Variants in SYCP1 observed in about 807,000 individuals in gnomAD.
SYCP1 encodes the protein cancer/testis antigen 8.
SYCP1 carries 64 observed loss-of-function variants against 153.1 expected under a neutral mutation model. The observed-to-expected ratio is 0.42, with a 90% CI of 0.34 to 0.51. SYCP1 has a LOEUF of 0.51. SYCP1 is among the 20% of genes least tolerant of loss of function. The pLI is 0.06. For synonymous variants in SYCP1, 384 were observed against 341.8 expected (o/e 1.12, Z -1.36); for missense variants, 997 against 1,049.0 (o/e 0.95, Z 0.68).
chr1:114,963,100 A>G (rs1290039050), intron 27 of SYCP1, among the ~76,000 whole-genome samples: 4 of 152,204 alleles, frequency 2.6e-5, no homozygotes, highest in Admixed American at 1.3e-4. Context: ...ACAGCTCTTA[A>G]GATTCTTTCC....
intron 16 of SYCP1, among the ~76,000 whole-genome samples, chr1:114,902,127 C>T (rs1466408074): frequency 4.6e-5 from 7 of 151,972 alleles, no homozygotes; most frequent in Non-Finnish European, 1.0e-4. Flanking sequence ...AACTGCTGCT[C>T]GCCCATCTGT....
intron 16 of SYCP1, among the ~76,000 whole-genome samples, chr1:114,899,642 G>A (rs779933744): frequency 6.6e-6 from 1 of 152,152 alleles, no homozygotes; most frequent in Non-Finnish European, 1.5e-5. Context: ...AAGAAGTTTG[G>A]TACCTCCGTG....
chr1:114,991,806 A>G (rs1673943563), intron 30 of SYCP1, among the ~76,000 whole-genome samples: 1 of 151,786 alleles, frequency 6.6e-6, no homozygotes, highest in Non-Finnish European at 1.5e-5. Flanking sequence ...CTAACTAGAG[A>G]TACTATAAAA....
intron 27 of SYCP1, among the ~76,000 whole-genome samples, chr1:114,947,943 A>G (rs925593294): frequency 4.7e-5 from 7 of 150,160 alleles, no homozygotes; most frequent in African/African-American, 1.7e-4. Context: ...GTTTTAGGGT[A>G]CATGTGCACA....
At chr1:114,964,850 C>G (rs1444152262) in intron 27 of SYCP1, among the ~76,000 whole-genome samples, 1 of 152,066 alleles carries the variant, frequency 6.6e-6, no homozygotes, top group Non-Finnish European at 1.5e-5. Flanking sequence ...TATATGGGCT[C>G]TTTTTTGTTC....
intron 8 of SYCP1, among the ~76,000 whole-genome samples, chr1:114,872,088 C>T (rs2798654): frequency 0.024 from 3,504 of 146,866 alleles, 57 homozygotes; most frequent in South Asian, 0.035. Flanking sequence ...GTGATCCTCC[C>T]ACTTTGGCCT....
chr1:114,875,623 T>A (rs1188644608), intron 9 of SYCP1, among the ~76,000 whole-genome samples: 1 of 152,140 alleles, frequency 6.6e-6, no homozygotes, highest in Non-Finnish European at 1.5e-5. Context: ...ACTCAGTAAT[T>A]AATTAATTAA....
rs768126461 is a variant in SYCP1, at chr1:114,874,576, T to C, written c.657+12T>C. ...ATAATAACATTGAGGTGAGTGTTAATGAAATCTGAGTATTTTAAACATAGG... is the reference window on the plus strand; with the variant it reads ...ATAATAACATTGAGGTGAGTGTTAACGAAATCTGAGTATTTTAAACATAGG... On this transcript the variant is annotated intron_variant, in intron 9 of 31. Transcript: ENST00000369522. The C allele has an allele frequency of 3.9e-6, 6 of 1,546,072 alleles. No individual in the cohort carries two copies. Among genetic ancestry groups the C allele is most frequent in the Admixed American group, 3.9e-5 (2 of 51,514 alleles).
At chr1:114,926,612 G>T in intron 23 of SYCP1, 49 bp downstream of exon 23, 1 of 1,423,134 alleles carries the variant, frequency 7.0e-7, no homozygotes, top group South Asian at 1.3e-5. Context: ...AGATAGATGA[G>T]AATTTAGACA....
At chr1:114,917,586 A>G (rs1668590664) in intron 20 of SYCP1, among the ~76,000 whole-genome samples, 1 of 152,204 alleles carries the variant, frequency 6.6e-6, no homozygotes, top group Non-Finnish European at 1.5e-5. Context: ...GTACGAATTT[A>G]CATTCCCACC....
chr1:114,979,135 CTT>C (rs145320506), intron 28 of SYCP1, among the ~76,000 whole-genome samples: 17 of 134,850 alleles, frequency 1.3e-4, no homozygotes, highest in Admixed American at 1.5e-4. Context: ...TTTAACTAGG[CTT>C]TTTTTTTTTT....
chr1:114,976,521 A>G (rs1241779637), intron 27 of SYCP1, among the ~76,000 whole-genome samples: 1 of 151,822 alleles, frequency 6.6e-6, no homozygotes. Context: ...AAAAGTCAGA[A>G]TTGCAGAGAC....
chr1:114,979,282 T>A (rs1433025857), intron 28 of SYCP1, among the ~76,000 whole-genome samples: 1 of 151,770 alleles, frequency 6.6e-6, no homozygotes, highest in African/African-American at 2.4e-5. Flanking sequence ...TAATACCTAT[T>A]TCCTAAAGTT....
intron 23 of SYCP1, among the ~76,000 whole-genome samples, chr1:114,933,529 A>G (rs1669777705): frequency 6.6e-6 from 1 of 152,224 alleles, no homozygotes; most frequent in Admixed American, 6.5e-5. Context: ...CCAGCAATGG[A>G]ACAAAGCTGG....
Position 114,855,446 on chromosome 1 carries a change from T to C in SYCP1, c.-19T>C, listed in dbSNP as rs1430901272. Reference sequence around the variant, plus strand: ...CCGCCCCCCCGGGGCAGTAGATATTTACAACCGTAACAGAGAAAATGGAAA... The same window carrying C: ...CCGCCCCCCCGGGGCAGTAGATATTCACAACCGTAACAGAGAAAATGGAAA... On this transcript the variant is annotated 5_prime_UTR_variant, in exon 2 of 32. Coordinates refer to ENST00000369522, the MANE Select transcript of SYCP1 (RefSeq NM_003176.4). The C allele has an allele frequency of 6.2e-7, 1 of 1,601,824 alleles. No homozygotes were observed. Among genetic ancestry groups the C allele is most frequent in the Non-Finnish European group, 8.5e-7 (1 of 1,172,988 alleles).
At chr1:114,950,758 T>G (rs72695827) in intron 27 of SYCP1, among the ~76,000 whole-genome samples, 1 of 152,010 alleles carries the variant, frequency 6.6e-6, no homozygotes, top group African/African-American at 2.4e-5. Flanking sequence ...TATAGACTGA[T>G]TATCTAGCTA....
At chr1:114,988,676 T>C (rs1357223585) in intron 30 of SYCP1, among the ~76,000 whole-genome samples, 3 of 151,990 alleles carry the variant, frequency 2.0e-5, no homozygotes, top group Admixed American at 2.0e-4. Flanking sequence ...CATCTTCAGA[T>C]GGAAAGGCTG....
At chr1:114,860,868 G>A in intron 8 of SYCP1, 59 bp downstream of exon 8, 1 of 1,290,048 alleles carries the variant, frequency 7.8e-7, no homozygotes, top group Non-Finnish European at 1.1e-6. Context: ...TAGAGGTGGA[G>A]AGGGAAAGAA....
At chr1:114,920,779 G>A (rs1202340902) in intron 20 of SYCP1, among the ~76,000 whole-genome samples, 4 of 151,906 alleles carry the variant, frequency 2.6e-5, no homozygotes, top group African/African-American at 9.7e-5. Flanking sequence ...CATAATGTCT[G>A]GCATAAGTAT....
Sources: gnomAD v4.1 joint callset for allele counts (sites outside exome capture counted in the v4.1 genomes callset) on GRCh38, gnomAD v4.1.1 for gene constraint, MANE v1.5 for transcripts, NCBI Gene and HGNC (gene_info 2026-07-23, HGNC 2026-07-21) for gene names.